Variants in CNTNAP4 observed in about 807,000 individuals in gnomAD.
The protein encoded by CNTNAP4 is contactin associated protein family member 4.
In CNTNAP4, 98 loss-of-function variants were observed where a neutral mutation model predicts 148.4. The observed-to-expected ratio is 0.66, with a 90% CI of 0.56 to 0.78. The LOEUF (loss-of-function observed/expected upper bound fraction) is 0.78. CNTNAP4 is among the 30% of genes least tolerant of loss of function. The pLI is 0.00. For missense variants in CNTNAP4, 1,935 were observed against 1,565.6 expected, an observed-to-expected ratio of 1.24 and a Z score of -3.98; for synonymous variants, 730 against 565.1, an observed-to-expected ratio of 1.29 and a Z score of -4.14.
At chr16:76,555,205 T>C (rs1285231792) in intron 23 of CNTNAP4, among the ~76,000 whole-genome samples, 5 of 152,186 alleles carry the variant, frequency 3.3e-5, no homozygotes, top group Non-Finnish European at 5.9e-5. Context: ...AGGATTTTAT[T>C]TGGACAGCAA....
chr16:76,359,302 A>G (rs950069538), intron 3 of CNTNAP4, among the ~76,000 whole-genome samples: 1 of 152,222 alleles, frequency 6.6e-6, no homozygotes, highest in Non-Finnish European at 1.5e-5. Context: ...TCTACGAAAG[A>G]GAGTTAGGAA....
At chr16:76,351,344 C>T (rs925282726) in intron 2 of CNTNAP4, among the ~76,000 whole-genome samples, 6 of 150,784 alleles carry the variant, frequency 4.0e-5, no homozygotes, top group East Asian at 2.0e-4. Context: ...ATGTCACTAG[C>T]TGTCATCATA....
At chr16:76,540,644 G>A (rs929991844) in intron 20 of CNTNAP4, 59 bp from the exon 21 acceptor site, 1 of 1,249,700 alleles carries the variant, frequency 8.0e-7, no homozygotes. Flanking sequence ...GTTGCTTCCT[G>A]TCTTCTCAAC....
intron 3 of CNTNAP4, among the ~76,000 whole-genome samples, chr16:76,404,399 T>G (rs933101784): frequency 3.3e-5 from 5 of 151,270 alleles, no homozygotes; most frequent in African/African-American, 1.2e-4. Context: ...TCTAGTTTGG[T>G]GACCTCTTAC....
intron 1 of CNTNAP4, among the ~76,000 whole-genome samples, chr16:76,307,503 CATATATATATATATATATATATATAT>C (rs6145898): frequency 2.2e-5 from 2 of 91,724 alleles, no homozygotes; most frequent in African/African-American, 9.5e-5. Context: ...ATTTTAAATG[CATATATATATATATATATATATATAT>C]ATATATATAT....
At chr16:76,301,629 G>T (rs1959978360) in intron 1 of CNTNAP4, among the ~76,000 whole-genome samples, 2 of 152,160 alleles carry the variant, frequency 1.3e-5, no homozygotes. Flanking sequence ...AGTTTTTACT[G>T]GCGTGGTCCA....
chr16:76,287,201 T>A (rs933751974), intron 1 of CNTNAP4, among the ~76,000 whole-genome samples: 2 of 152,188 alleles, frequency 1.3e-5, no homozygotes, highest in Non-Finnish European at 2.9e-5. Flanking sequence ...GTAGATAACA[T>A]TTAGTTTCTT....
intron 2 of CNTNAP4, among the ~76,000 whole-genome samples, chr16:76,351,888 G>A (rs12596963): frequency 0.13 from 19,785 of 152,134 alleles, 1,999 homozygotes; most frequent in East Asian, 0.47. Context: ...TCATGTGTTC[G>A]CTTTTTAAAA....
intron 12 of CNTNAP4, among the ~76,000 whole-genome samples, chr16:76,487,150 AG>A (rs2082056693): frequency 1.3e-5 from 2 of 152,352 alleles, no homozygotes; most frequent in East Asian, 3.9e-4. Context: ...TACAATGTAT[AG>A]AATTATATAA....
chr16:76,368,648 A>G (rs1200088579), intron 3 of CNTNAP4, among the ~76,000 whole-genome samples: 3 of 151,936 alleles, frequency 2.0e-5, no homozygotes, highest in Admixed American at 6.6e-5. Flanking sequence ...CAGGGAGGGG[A>G]ACATCACACA....
At chr16:76,304,698 G>A (rs1210963106) in intron 1 of CNTNAP4, among the ~76,000 whole-genome samples, 2 of 152,078 alleles carry the variant, frequency 1.3e-5, no homozygotes, top group African/African-American at 2.4e-5. Flanking sequence ...TATGTGTGTC[G>A]CCACATCCGC....
At chr16:76,490,292 C>A (rs549327865) in intron 13 of CNTNAP4, among the ~76,000 whole-genome samples, 1 of 152,286 alleles carries the variant, frequency 6.6e-6, no homozygotes, top group South Asian at 2.1e-4. Context: ...CTACGTGCCT[C>A]TTTCTCATGG....
intron 3 of CNTNAP4, among the ~76,000 whole-genome samples, chr16:76,402,100 A>G (rs58044696): frequency 0.041 from 6,303 of 152,204 alleles, 467 homozygotes; most frequent in African/African-American, 0.15. Flanking sequence ...TTTTTTGGAA[A>G]TCATATCATT....
At chr16:76,483,231 AACACACACACACACACACACACACACAC>A in intron 12 of CNTNAP4, among the ~76,000 whole-genome samples, 1 of 140,112 alleles carries the variant, frequency 7.1e-6, no homozygotes, top group East Asian at 2.2e-4. Flanking sequence ...AGTTTTAAGA[AACACACACACACACACACACACACACAC>A]ACACACACAC....
intron 17 of CNTNAP4, among the ~76,000 whole-genome samples, chr16:76,534,834 C>A (rs754288597): frequency 1.4e-4 from 22 of 152,312 alleles, no homozygotes; most frequent in Non-Finnish European, 2.2e-4. Context: ...TCCAACCCAA[C>A]ATTGTAGACC....
intron 4 of CNTNAP4, among the ~76,000 whole-genome samples, chr16:76,435,289 G>T (rs1382851059): frequency 6.6e-6 from 1 of 152,114 alleles, no homozygotes; most frequent in Non-Finnish European, 1.5e-5. Context: ...CAGGAGTGCA[G>T]TAGGCTTCCT....
chr16:76,342,403 G>T (rs1964538355), intron 2 of CNTNAP4, among the ~76,000 whole-genome samples: 1 of 148,096 alleles, frequency 6.8e-6, no homozygotes, highest in African/African-American at 2.5e-5. Context: ...ATTTATGGTT[G>T]TCTATTGAGT....
chr16:76,297,508 T>C (rs1050833683), intron 1 of CNTNAP4, among the ~76,000 whole-genome samples: 10 of 152,216 alleles, frequency 6.6e-5, no homozygotes, highest in Non-Finnish European at 1.5e-4. Context: ...AAAAATTAAA[T>C]TCTTAGTACT....
chr16:76,520,908 T>A (rs1326841196), intron 15 of CNTNAP4, among the ~76,000 whole-genome samples: 1 of 152,196 alleles, frequency 6.6e-6, no homozygotes, highest in African/African-American at 2.4e-5. Flanking sequence ...TCTGTAATGA[T>A]CATTCTTACT....
Sources: gnomAD v4.1 joint callset for allele counts (sites outside exome capture counted in the v4.1 genomes callset) on GRCh38, gnomAD v4.1.1 for gene constraint, MANE v1.5 for transcripts, NCBI Gene and HGNC (gene_info 2026-07-23, HGNC 2026-07-21) for gene names.